IFT74: variants seen among roughly 807,000 people sequenced by gnomAD.
IFT74 encodes intraflagellar transport 74.
In IFT74, 92 loss-of-function variants were observed where a neutral mutation model predicts 96.7. The ratio of observed to expected loss-of-function variants is 0.95; its 90% CI spans 0.80 to 1.13. The LOEUF (loss-of-function observed/expected upper bound fraction) is 1.13. Ranked by LOEUF, IFT74 falls within the 50% of genes most tolerant of loss-of-function variation. The pLI is 0.00. For synonymous variants in IFT74, 223 were observed against 213.2 expected, an observed-to-expected ratio of 1.05 and a Z score of -0.40; for missense variants, 811 against 698.2, an observed-to-expected ratio of 1.16 and a Z score of -1.82.
intron 8 of IFT74, among the ~76,000 whole-genome samples, chr9:27,000,565 A>C (rs1828427312): frequency 1.3e-5 from 2 of 152,230 alleles, no homozygotes; most frequent in Non-Finnish European, 2.9e-5. Flanking sequence ...TAGTGCATTC[A>C]TATAATTTTT....
rs1828928419 is a variant in IFT74, at chr9:27,009,094, A to C, written c.662A>C (p.Asn221Thr). The change falls in exon 9 of 20, where the codon AAT becomes ACT. Residue 221 changes from asparagine (N) to threonine (T), a missense_variant. By Grantham distance (65) the Asn-to-Thr change is moderately conservative (BLOSUM62 0). Coordinates refer to ENST00000380062, the MANE Select transcript of IFT74 (RefSeq NM_025103.4). The part of the protein sequence containing the change: ...EKQATDDIIK[N>T]MSFENQVKYL... ...CAAGCAACAGATGACATTATCAAAA[A>C]TATGTCTTTTGAAAACCAAGTCAAG... 6 of 1,612,076 alleles carry C rather than the reference A, an allele frequency of 3.7e-6. No individual in the cohort carries two copies. Among genetic ancestry groups the C allele is most frequent in the Admixed American group, 1.7e-5 (1 of 60,000 alleles).
chr9:26,984,466 A>T (rs746474471), intron 5 of IFT74, 33 bp from the exon 6 acceptor site: 3 of 1,594,870 alleles, frequency 1.9e-6, no homozygotes, highest in Non-Finnish European at 2.6e-6. Context: ...TTTTATGTAC[A>T]TATTTATGAA....
intron 8 of IFT74, among the ~76,000 whole-genome samples, chr9:27,002,821 A>G (rs1037718723): frequency 7.9e-5 from 12 of 152,046 alleles, no homozygotes; most frequent in African/African-American, 2.9e-4. Context: ...TTCTACTTCT[A>G]TGAAGAGCGT....
intron 6 of IFT74, among the ~76,000 whole-genome samples, chr9:26,986,711 C>T (rs1827654940): frequency 6.6e-6 from 1 of 152,040 alleles, no homozygotes; most frequent in African/African-American, 2.4e-5. Flanking sequence ...CAGCCTCAAA[C>T]TCCTGGGCAC....
chr9:26,952,280 CTT>C (rs201440207), upstream of IFT74, among the ~76,000 whole-genome samples: 8 of 141,640 alleles, frequency 5.6e-5, no homozygotes, highest in Middle Eastern at 3.6e-3. Flanking sequence ...TTTTTTTAAC[CTT>C]TTTTTTTTTT....
intron 16 of IFT74, among the ~76,000 whole-genome samples, chr9:27,049,546 AG>A (rs1200950758): frequency 6.6e-6 from 1 of 152,198 alleles, no homozygotes; most frequent in Admixed American, 6.5e-5. Context: ...TTATAGGCAG[AG>A]GTTGAGGCCT....
At chr9:26,988,762 T>A (rs1169256815) in intron 7 of IFT74, 34 bp downstream of exon 7, 2 of 1,469,294 alleles carry the variant, frequency 1.4e-6, no homozygotes, top group Non-Finnish European at 9.3e-7. Flanking sequence ...TTGATCTATG[T>A]AAGTCATATC....
At chr9:27,008,216 A>G (rs923730428) in intron 8 of IFT74, among the ~76,000 whole-genome samples, 1 of 152,212 alleles carries the variant, frequency 6.6e-6, no homozygotes, top group East Asian at 1.9e-4. Context: ...TAAAAAATCA[A>G]ATTGCACTGC....
intron 15 of IFT74, 137 bp from the exon 16 acceptor site, chr9:27,048,011 A>G (rs1158493293): frequency 1.0e-5 from 5 of 482,422 alleles, no homozygotes; most frequent in East Asian, 3.4e-5. Context: ...TCTATACAAT[A>G]TATAACTTGA....
intron 8 of IFT74, among the ~76,000 whole-genome samples, chr9:27,002,257 G>C (rs1828538811): frequency 6.6e-6 from 1 of 152,146 alleles, no homozygotes; most frequent in Non-Finnish European, 1.5e-5. Flanking sequence ...TCAGCCTCCT[G>C]AGTAGCTGGG....
At chr9:27,001,932 CT>C (rs1374208902) in intron 8 of IFT74, among the ~76,000 whole-genome samples, 1 of 139,560 alleles carries the variant, frequency 7.2e-6, no homozygotes, top group African/African-American at 2.6e-5. Context: ...CCAACGTTTT[CT>C]TTTTTTCTCT....
chr9:26,975,019 G>A (rs1827048515), intron 2 of IFT74, among the ~76,000 whole-genome samples: 1 of 152,090 alleles, frequency 6.6e-6, no homozygotes, highest in Admixed American at 6.5e-5. Flanking sequence ...TTTCAGGGAG[G>A]GGTACTTAAT....
At chr9:27,048,320 A>G (rs1408690818) in intron 16 of IFT74, 46 bp downstream of exon 16, 15 of 1,271,656 alleles carry the variant, frequency 1.2e-5, no homozygotes, top group African/African-American at 1.5e-5. Context: ...TTTAAAATAT[A>G]TCAATGTTAT....
chr9:27,014,612 A>G (rs1169660404), intron 10 of IFT74, among the ~76,000 whole-genome samples: 1 of 152,076 alleles, frequency 6.6e-6, no homozygotes, highest in African/African-American at 2.4e-5. Flanking sequence ...TTCTTTTTAA[A>G]AAAAAAAATT....
At chr9:26,952,469 G>T (rs1244139461), upstream of IFT74, among the ~76,000 whole-genome samples, 2 of 152,010 alleles carry the variant, frequency 1.3e-5, no homozygotes, top group South Asian at 2.1e-4. Flanking sequence ...TAGAGACGGG[G>T]TTTCACCATG....
Position 27,051,215 on chromosome 9 carries a change from G to A in IFT74, c.1333+2941G>A, listed in dbSNP as rs141393740. ...CAAGGGTTTTAGATAAGGGATTATG[G>A]ACCTATAAATGCATACTGAATGCTA... On this transcript the variant is annotated intron_variant, in intron 16 of 19. Transcript: ENST00000380062. Among the ~76,000 whole-genome samples the A allele has an allele frequency of 4.1e-3, 627 of 152,212 alleles. 6 individuals carry two copies. The highest frequency in any genetic ancestry group is 0.015 in the African/African-American group (610 of 41,528).
intron 2 of IFT74, among the ~76,000 whole-genome samples, chr9:26,975,813 C>G (rs1827090165): frequency 6.6e-6 from 1 of 152,192 alleles, no homozygotes; most frequent in Non-Finnish European, 1.5e-5. Flanking sequence ...TTAGAGATTT[C>G]TTGCCTATCC....
At position 26,980,596 on chromosome 9, in the gene IFT74, A is replaced by T. The variant is rs762539495; in HGVS notation, c.282A>T (p.Lys94Asn). The change falls in exon 4 of 20, where the codon AAA (lysine) becomes AAT (asparagine). Residue 94 changes from lysine (K) to asparagine (N), a missense_variant. Physicochemically the swap from Lys to Asn is moderately conservative, Grantham distance 94. Coordinates refer to ENST00000380062, the MANE Select transcript of IFT74 (RefSeq NM_025103.4). ...GTCCCCAGAGGCAAATTTTAGACAAATCTTACTATCTTGGGCTTCTTAGGT... is the reference window on the plus strand; with the variant it reads ...GTCCCCAGAGGCAAATTTTAGACAATTCTTACTATCTTGGGCTTCTTAGGT... ...TKGPQRQILD[K>N]SYYLGLLRSK... The T allele has an allele frequency of 3.1e-6, 5 of 1,605,808 alleles. No homozygotes were observed. The African/African-American group carries it at 6.7e-5, about 22-fold the overall frequency.
At position 27,018,694 on chromosome 9, in the gene IFT74, A is replaced by G; in HGVS notation, c.974+7A>G. The G allele has an allele frequency of 2.0e-6, 3 of 1,511,170 alleles. No homozygotes were observed. Among genetic ancestry groups the G allele is most frequent in the Non-Finnish European group, 2.7e-6 (3 of 1,098,404 alleles). 93.6% of individuals were successfully genotyped at this position (1,511,170 alleles called of 1,614,324 possible). On this transcript the variant is annotated splice_region_variant and intron_variant, in intron 12 of 19. Coordinates refer to ENST00000380062, the MANE Select transcript of IFT74 (RefSeq NM_025103.4). ...TAGCCAGCATGGAAAGACAGTAAGTATCTTTATACTAGGACATTTTACATC... is the reference window on the plus strand; with the variant it reads ...TAGCCAGCATGGAAAGACAGTAAGTGTCTTTATACTAGGACATTTTACATC...
Sources: allele counts gnomAD v4.1 joint callset (sites outside exome capture counted in the v4.1 genomes callset), GRCh38; gene constraint gnomAD v4.1.1; transcripts MANE v1.5; gene names NCBI Gene and HGNC (gene_info 2026-07-23, HGNC 2026-07-21).